Variants in FNDC3B observed in about 807,000 individuals in gnomAD.
FNDC3B encodes the protein fibronectin type III domain-containing protein 3B.
In FNDC3B, 12 loss-of-function variants were observed where a neutral mutation model predicts 151.5. The ratio of observed to expected loss-of-function variants is 0.08; its 90% confidence interval spans 0.05 to 0.13. The LOEUF (loss-of-function observed/expected upper bound fraction) is 0.13. Ranked by LOEUF, FNDC3B falls within the 10% of genes least tolerant of loss-of-function variation. The probability of loss-of-function intolerance (pLI) is 1.00; values close to 1 mark genes in which losing one functional copy is unlikely to be tolerated. For missense variants in FNDC3B, 1,214 were observed against 1,505.3 expected (o/e 0.81, Z 3.20); for synonymous variants, 528 against 549.0 (o/e 0.96, Z 0.54).
intron 1 of FNDC3B, among the ~76,000 whole-genome samples, chr3:172,094,840 G>A (rs1004136642): frequency 2.0e-5 from 3 of 149,508 alleles, no homozygotes; most frequent in East Asian, 3.9e-4. Context: ...TGGAAGTGAG[G>A]TTCCAGAACT....
At chr3:172,102,140 C>A (rs1430719689) in intron 1 of FNDC3B, among the ~76,000 whole-genome samples, 2 of 152,162 alleles carry the variant, frequency 1.3e-5, no homozygotes, top group Non-Finnish European at 2.9e-5. Flanking sequence ...TTAGATGTTA[C>A]AATTAGCTCG....
At chr3:172,292,629 G>A (rs1309178351) in intron 7 of FNDC3B, among the ~76,000 whole-genome samples, 1 of 152,238 alleles carries the variant, frequency 6.6e-6, no homozygotes, top group Non-Finnish European at 1.5e-5. Flanking sequence ...CATGGAATCA[G>A]TGTTACTGTC....
intron 3 of FNDC3B, among the ~76,000 whole-genome samples, chr3:172,156,971 A>T (rs6445041): frequency 0.74 from 112,361 of 152,094 alleles, 42,462 homozygotes; most frequent in African/African-American, 0.78. Context: ...TAAACCTAAT[A>T]TTGTCTACAA....
chr3:172,343,937 C>G (rs1733471279), intron 18 of FNDC3B, 149 bp from the exon 19 acceptor site: 1 of 657,034 alleles, frequency 1.5e-6, no homozygotes, highest in Admixed American at 2.9e-5. Context: ...TTTTATATCT[C>G]TTTTTTGGTG....
At chr3:172,171,508 G>A (rs1468989021) in intron 3 of FNDC3B, among the ~76,000 whole-genome samples, 3 of 152,122 alleles carry the variant, frequency 2.0e-5, no homozygotes, top group African/African-American at 7.2e-5. Context: ...CATGAACAGG[G>A]AACACAGTAT....
intron 9 of FNDC3B, 26 bp downstream of exon 9, chr3:172,298,813 T>C (rs987086996): frequency 1.0e-5 from 16 of 1,556,760 alleles, no homozygotes; most frequent in Non-Finnish European, 1.4e-5. Context: ...AGAGCCAAAC[T>C]GTATTGGAGA....
chr3:172,187,696 G>C (rs921006809), intron 3 of FNDC3B, among the ~76,000 whole-genome samples: 1 of 152,038 alleles, frequency 6.6e-6, no homozygotes, highest in South Asian at 2.1e-4. Flanking sequence ...ACTTTGTTGC[G>C]CAGGCTAGAG....
intron 24 of FNDC3B, among the ~76,000 whole-genome samples, 169 bp downstream of exon 24, chr3:172,378,605 C>A (rs1352252331): frequency 6.6e-6 from 1 of 152,016 alleles, no homozygotes; most frequent in South Asian, 2.1e-4. Flanking sequence ...AAATGAGAGA[C>A]CTTGAAAGGA....
intron 3 of FNDC3B, among the ~76,000 whole-genome samples, chr3:172,139,049 A>G (rs1721497291): frequency 6.6e-6 from 1 of 152,116 alleles, no homozygotes; most frequent in South Asian, 2.1e-4. Flanking sequence ...GCTGTTCACC[A>G]TTTCTGAATT....
chr3:172,394,596 GT>G (rs1168681058), intron 25 of FNDC3B, among the ~76,000 whole-genome samples: 1 of 152,148 alleles, frequency 6.6e-6, no homozygotes, highest in Admixed American at 6.5e-5. Context: ...AAATCAATAA[GT>G]TTTCCATCAA....
intron 1 of FNDC3B, among the ~76,000 whole-genome samples, chr3:172,109,042 TA>T (rs1719822514): frequency 6.6e-6 from 1 of 152,226 alleles, no homozygotes; most frequent in South Asian, 2.1e-4. Flanking sequence ...AATGGGGATT[TA>T]AACATCGTTG....
intron 6 of FNDC3B, among the ~76,000 whole-genome samples, chr3:172,280,271 T>G (rs954922015): frequency 6.6e-6 from 1 of 152,228 alleles, no homozygotes; most frequent in African/African-American, 2.4e-5. Context: ...TTATCAGCAT[T>G]AGTAGGCATT....
chr3:172,276,791 A>T (rs902286213), intron 6 of FNDC3B, among the ~76,000 whole-genome samples: 1 of 152,324 alleles, frequency 6.6e-6, no homozygotes. Flanking sequence ...ATATTCTATA[A>T]GAAAACTGGC....
chr3:172,262,762 G>A (rs1242290821), intron 6 of FNDC3B, among the ~76,000 whole-genome samples: 3 of 151,640 alleles, frequency 2.0e-5, no homozygotes, highest in Non-Finnish European at 2.9e-5. Flanking sequence ...GCTGGATGTG[G>A]TGGGCATGCC....
chr3:172,207,434 G>T (rs1406748946), intron 3 of FNDC3B, among the ~76,000 whole-genome samples: 3 of 152,166 alleles, frequency 2.0e-5, no homozygotes, highest in African/African-American at 7.2e-5. Flanking sequence ...ACTACTTGCT[G>T]CTTTTGTGAA....
At chr3:172,254,815 A>G (rs371504434) in intron 6 of FNDC3B, among the ~76,000 whole-genome samples, 151 of 152,152 alleles carry the variant, frequency 9.9e-4, no homozygotes, top group Non-Finnish European at 1.8e-3. Context: ...AGCCGAGAAC[A>G]GTTGGGGCTT....
intron 4 of FNDC3B, 45 bp from the exon 5 acceptor site, chr3:172,247,488 G>A (rs1727838648): frequency 6.3e-7 from 1 of 1,583,748 alleles, no homozygotes; most frequent in Admixed American, 1.8e-5. Context: ...ATATTCATAG[G>A]CTGCTAATAT....
intron 11 of FNDC3B, among the ~76,000 whole-genome samples, chr3:172,316,000 C>CTTTTTTTTTT (rs555242809): frequency 2.5e-4 from 20 of 79,912 alleles, no homozygotes; most frequent in South Asian, 1.3e-3. Context: ...CTTTCTTCTT[C>CTTTTTTTTTT]TTTTTTTTTT....
At chr3:172,317,931 A>G (rs1391773209) in intron 11 of FNDC3B, among the ~76,000 whole-genome samples, 1 of 152,206 alleles carries the variant, frequency 6.6e-6, no homozygotes, top group Admixed American at 6.5e-5. Flanking sequence ...CAGAAAAAGC[A>G]CTTTGTGGGA....
Sources: allele counts gnomAD v4.1 joint callset (sites outside exome capture counted in the v4.1 genomes callset), GRCh38; gene constraint gnomAD v4.1.1; transcripts MANE v1.5; gene names NCBI Gene and HGNC (gene_info 2026-07-23, HGNC 2026-07-21).